WDR7: variants seen among roughly 807,000 people sequenced by gnomAD.
The protein encoded by WDR7 is WD repeat domain 7.
A neutral mutation model predicts 169.4 loss-of-function variants in WDR7; 46 were observed. The ratio of observed to expected loss-of-function variants is 0.27; its 90% CI spans 0.21 to 0.35. WDR7 has a LOEUF of 0.35. Among genes scored for constraint, WDR7 ranks in the 10% least tolerant of loss-of-function variants. The pLI, the probability that WDR7 is intolerant of heterozygous loss-of-function variation, is 1.00. For missense variants in WDR7, 1,534 were observed against 1,859.3 expected (o/e 0.83, Z 3.22); for synonymous variants, 612 against 666.8 (o/e 0.92, Z 1.27).
intron 19 of WDR7, among the ~76,000 whole-genome samples, chr18:56,814,530 T>G (rs1269172426): frequency 1.3e-5 from 2 of 152,118 alleles, no homozygotes; most frequent in Non-Finnish European, 2.9e-5. Context: ...TACATCCCCT[T>G]CTTTATGTTA....
intron 20 of WDR7, among the ~76,000 whole-genome samples, chr18:56,859,170 ACTTT>A (rs1188524197): frequency 6.6e-6 from 1 of 151,966 alleles, no homozygotes; most frequent in Non-Finnish European, 1.5e-5. Context: ...AATATCTATG[ACTTT>A]CTTATTGTTG....
At position 56,923,935 on chromosome 18, in the gene WDR7, G is replaced by A. The variant is rs375949192; in HGVS notation, c.3540G>A (p.Thr1180=). The A allele has an allele frequency of 2.0e-5, 31 of 1,558,190 alleles. No individual in the cohort carries two copies. The highest frequency in any genetic ancestry group is 1.0e-4 in the South Asian group (8 of 79,914). The change falls in exon 22 of 28, where the codon ACG becomes ACA. Residue 1180 remains threonine, a synonymous_variant. Transcript: ENST00000254442. ...CTATAATTTCAGGCAAGGCACTGAC[G>A]TTTCTTCTGCTACAGCCTCCAAGCC... ...SLARHTCKAL[T]FLLLQPPSPK...
At chr18:57,006,217 A>G (rs572051273) in intron 26 of WDR7, among the ~76,000 whole-genome samples, 1 of 152,328 alleles carries the variant, frequency 6.6e-6, no homozygotes, top group African/African-American at 2.4e-5. Flanking sequence ...GATAGTAATT[A>G]TGAGCAGATT....
At chr18:56,735,155 G>A (rs2026672120) in intron 14 of WDR7, among the ~76,000 whole-genome samples, 1 of 152,188 alleles carries the variant, frequency 6.6e-6, no homozygotes, top group South Asian at 2.1e-4. Context: ...GAATGATAAA[G>A]TGAGAGGTCA....
intron 16 of WDR7, among the ~76,000 whole-genome samples, chr18:56,766,763 T>G (rs1216107803): frequency 6.6e-6 from 1 of 152,166 alleles, no homozygotes; most frequent in Admixed American, 6.5e-5. Context: ...TCTTAAAATT[T>G]TTTTTCCTTG....
At chr18:57,020,901 T>C (rs372879080) in intron 27 of WDR7, 52 bp downstream of exon 27, 414 of 1,538,258 alleles carry the variant, frequency 2.7e-4, no homozygotes, top group Non-Finnish European at 3.5e-4. Flanking sequence ...GATATGCCTT[T>C]GGTAGTAAGC....
intron 3 of WDR7, among the ~76,000 whole-genome samples, chr18:56,680,257 C>A (rs1056431774): frequency 6.6e-6 from 1 of 152,056 alleles, no homozygotes; most frequent in Admixed American, 6.6e-5. Context: ...ACTTAGGAGG[C>A]TGAGGTGGTA....
rs181418955 is a variant in WDR7, at chr18:56,697,740, C to T, written c.1578+1278C>T. ...ACATTTGGTGAAATATCTAATTTTT[C>T]AATGCAAAAATTGATTATTTAGATA... is the stretch of plus-strand genomic sequence containing the variant. On this transcript the variant is annotated intron_variant, in intron 12 of 27. Coordinates refer to ENST00000254442, the MANE Select transcript of WDR7 (RefSeq NM_015285.3). 1.0e-3 allele frequency among the ~76,000 whole-genome samples: 159 copies of T among 152,102 alleles called. 4 individuals carry two copies. Among genetic ancestry groups the T allele is most frequent in the East Asian group, 2.1e-3 (11 of 5,182 alleles).
chr18:56,737,819 G>A (rs149233736), intron 14 of WDR7, among the ~76,000 whole-genome samples: 1,524 of 152,228 alleles, frequency 0.01, 17 homozygotes, highest in Non-Finnish European at 0.015. Context: ...GGGATACCAG[G>A]CCTTGTTTAG....
intron 21 of WDR7, among the ~76,000 whole-genome samples, chr18:56,904,705 G>A (rs183898709): frequency 6.6e-6 from 1 of 152,174 alleles, no homozygotes; most frequent in Non-Finnish European, 1.5e-5. Context: ...CTCTTATTTA[G>A]GATTATTAAG....
At chr18:56,816,972 C>T (rs118062399) in intron 20 of WDR7, among the ~76,000 whole-genome samples, 6,034 of 151,854 alleles carry the variant, frequency 0.04, 144 homozygotes, top group Middle Eastern at 0.075. Flanking sequence ...AAGAAGTACG[C>T]CCAGAAAATA....
At chr18:56,942,953 C>T (rs2047053345) in intron 25 of WDR7, among the ~76,000 whole-genome samples, 1 of 152,142 alleles carries the variant, frequency 6.6e-6, no homozygotes, top group African/African-American at 2.4e-5. Context: ...AGCACATAAA[C>T]ATAGAAGAAT....
At chr18:56,876,597 A>G (rs2046025357) in intron 20 of WDR7, among the ~76,000 whole-genome samples, 1 of 152,192 alleles carries the variant, frequency 6.6e-6, no homozygotes. Flanking sequence ...GAGCTAGGCT[A>G]TAGCTTCCTC....
intron 20 of WDR7, among the ~76,000 whole-genome samples, chr18:56,846,703 G>A (rs11873764): frequency 0.059 from 8,935 of 152,056 alleles, 904 homozygotes; most frequent in African/African-American, 0.21. Context: ...AAAAAGTCTG[G>A]GACCTTTTTC....
intron 1 of WDR7, among the ~76,000 whole-genome samples, chr18:56,661,313 G>T (rs1334063620): frequency 1.3e-5 from 2 of 152,098 alleles, no homozygotes; most frequent in African/African-American, 4.8e-5. Flanking sequence ...AGCTTAATCA[G>T]TAACTCTTGA....
At chr18:56,704,448 A>T (rs1412143386) in intron 12 of WDR7, among the ~76,000 whole-genome samples, 1 of 151,354 alleles carries the variant, frequency 6.6e-6, no homozygotes, top group Non-Finnish European at 1.5e-5. Context: ...CTGAGGTGAG[A>T]GGATTGCTTG....
chr18:56,971,010 A>C (rs1599206265), intron 26 of WDR7, among the ~76,000 whole-genome samples: 1 of 152,146 alleles, frequency 6.6e-6, no homozygotes, highest in Non-Finnish European at 1.5e-5. Flanking sequence ...AGTGGCTCGC[A>C]CCAGTAATCC....
At chr18:56,891,538 C>T (rs2046263794) in intron 21 of WDR7, among the ~76,000 whole-genome samples, 2 of 119,642 alleles carry the variant, frequency 1.7e-5, no homozygotes, top group African/African-American at 3.0e-5. Flanking sequence ...GGAAATAGCT[C>T]TTTAAAATCT....
At chr18:56,652,503 C>G (rs1419001268) in intron 1 of WDR7, among the ~76,000 whole-genome samples, 3 of 152,154 alleles carry the variant, frequency 2.0e-5, no homozygotes, top group South Asian at 2.1e-4. Flanking sequence ...CTGCTTCTTG[C>G]TTTATAAACA....
Sources: allele counts gnomAD v4.1 joint callset (sites outside exome capture counted in the v4.1 genomes callset), GRCh38; gene constraint gnomAD v4.1.1; transcripts MANE v1.5; gene names NCBI Gene and HGNC (gene_info 2026-07-23, HGNC 2026-07-21).